Variants in FTCDNL1 observed in about 807,000 individuals in gnomAD.
FTCDNL1 encodes formiminotransferase N-terminal subdomain-containing protein.
A neutral mutation model predicts 5.9 loss-of-function variants in FTCDNL1; 11 were observed. The ratio of observed to expected loss-of-function variants is 1.87; its 90% CI spans 1.18 to 3.10. FTCDNL1 has a LOEUF of 3.10. Ranked by LOEUF, FTCDNL1 falls within the 30% of genes most tolerant of loss-of-function variation. The probability of loss-of-function intolerance (pLI) is 0.00; values close to 1 mark genes in which losing one functional copy is unlikely to be tolerated. For missense variants in FTCDNL1, 115 were observed against 65.5 expected, an observed-to-expected ratio of 1.76 and a Z score of -2.61; for synonymous variants, 58 against 24.8, an observed-to-expected ratio of 2.34 and a Z score of -3.99.
chr2:199,670,305 C>T, the FTCDNL1 span, among the ~76,000 whole-genome samples: 1 of 152,146 alleles, frequency 6.6e-6, no homozygotes, highest in African/African-American at 2.4e-5. Context: ...TAGCAGGTAT[C>T]AACAATGAGA....
At chr2:199,758,595 A>G (rs770039908), downstream of FTCDNL1, among the ~76,000 whole-genome samples, 3 of 152,150 alleles carry the variant, frequency 2.0e-5, no homozygotes, top group African/African-American at 4.8e-5. Context: ...CTCCCAGCAA[A>G]TCCTTCCCTC....
chr2:199,702,692 T>C, the FTCDNL1 span, among the ~76,000 whole-genome samples: 2 of 152,212 alleles, frequency 1.3e-5, no homozygotes, highest in African/African-American at 4.8e-5. Context: ...TTGTGGAGTT[T>C]ACAATAAACA....
chr2:199,736,434 T>C, the FTCDNL1 span, among the ~76,000 whole-genome samples: 3 of 152,172 alleles, frequency 2.0e-5, no homozygotes, highest in Non-Finnish European at 2.9e-5. Flanking sequence ...ACTTGCTTGT[T>C]AGAACTCACA....
intron 3 of FTCDNL1, among the ~76,000 whole-genome samples, chr2:199,800,505 G>A (rs568460131): frequency 1.3e-5 from 2 of 152,256 alleles, no homozygotes; most frequent in East Asian, 1.9e-4. Flanking sequence ...AATTTAGAAT[G>A]AGAAAATAAA....
chr2:199,707,293 A>G, the FTCDNL1 span, among the ~76,000 whole-genome samples: 221 of 152,226 alleles, frequency 1.5e-3, 2 homozygotes, highest in African/African-American at 5.2e-3. Flanking sequence ...AGTGAAGCCA[A>G]CTGGGCCTGA....
chr2:199,796,757 T>C (rs1378107384), intron 3 of FTCDNL1, among the ~76,000 whole-genome samples: 1 of 152,036 alleles, frequency 6.6e-6, no homozygotes, highest in Non-Finnish European at 1.5e-5. Context: ...TTTTGTTAAG[T>C]AGTATCCTTA....
chr2:199,836,401 G>A (rs1179620537), intron 3 of FTCDNL1, among the ~76,000 whole-genome samples: 1 of 151,974 alleles, frequency 6.6e-6, no homozygotes, highest in Admixed American at 6.6e-5. Context: ...TGAACTCCTG[G>A]GCTCAAACAA....
chr2:199,688,623 G>C, the FTCDNL1 span, among the ~76,000 whole-genome samples: 1 of 152,182 alleles, frequency 6.6e-6, no homozygotes, highest in Non-Finnish European at 1.5e-5. Context: ...TGGAGTCTCT[G>C]ATCATTCTGG....
At chr2:199,750,579 T>C in the FTCDNL1 span, among the ~76,000 whole-genome samples, 1 of 152,146 alleles carries the variant, frequency 6.6e-6, no homozygotes, top group African/African-American at 2.4e-5. Flanking sequence ...GAAAGAAATA[T>C]TGATGCTCTG....
At chr2:199,750,549 A>G in the FTCDNL1 span, among the ~76,000 whole-genome samples, 4 of 152,138 alleles carry the variant, frequency 2.6e-5, no homozygotes, top group Non-Finnish European at 4.4e-5. Context: ...GAAGACCTTA[A>G]CTTAATCATT....
intron 3 of FTCDNL1, among the ~76,000 whole-genome samples, chr2:199,836,799 A>C (rs573663020): frequency 4.6e-5 from 7 of 152,230 alleles, no homozygotes; most frequent in Admixed American, 6.5e-5. Flanking sequence ...GAAGGAGTAA[A>C]AGTCCATAGC....
chr2:199,776,286 A>G (rs1184506153), intron 3 of FTCDNL1, among the ~76,000 whole-genome samples: 2 of 152,216 alleles, frequency 1.3e-5, no homozygotes, highest in Non-Finnish European at 2.9e-5. Flanking sequence ...TATAATGAGA[A>G]CAAGGAAACA....
chr2:199,712,811 T>C, the FTCDNL1 span, among the ~76,000 whole-genome samples: 22 of 152,302 alleles, frequency 1.4e-4, no homozygotes, highest in African/African-American at 5.3e-4. Context: ...TCCATGTCTC[T>C]GTGTCTTCAC....
chr2:199,846,954 T>C (rs2076748725), intron 2 of FTCDNL1, among the ~76,000 whole-genome samples: 1 of 152,230 alleles, frequency 6.6e-6, no homozygotes, highest in Admixed American at 6.5e-5. Context: ...TATTATACCT[T>C]GTCTCCTTGT....
At chr2:199,787,900 G>A (rs1559187234) in intron 3 of FTCDNL1, among the ~76,000 whole-genome samples, 1 of 152,080 alleles carries the variant, frequency 6.6e-6, no homozygotes, top group Non-Finnish European at 1.5e-5. Context: ...CTTTTCCGAG[G>A]ACATAATTTT....
At chr2:199,827,228 AT>A (rs1246679312) in intron 3 of FTCDNL1, among the ~76,000 whole-genome samples, 4 of 152,232 alleles carry the variant, frequency 2.6e-5, no homozygotes, top group Non-Finnish European at 5.9e-5. Context: ...CACAAATTAA[AT>A]GACACCATAA....
At chr2:199,806,774 C>T (rs1700746471), downstream of FTCDNL1, among the ~76,000 whole-genome samples, 1 of 152,208 alleles carries the variant, frequency 6.6e-6, no homozygotes, top group South Asian at 2.1e-4. Flanking sequence ...GCACCCCACA[C>T]ACAAAACCTT....
intron 3 of FTCDNL1, 121 bp from the exon 4 acceptor site, chr2:199,819,878 T>C (rs115215596): frequency 1.1e-5 from 7 of 610,438 alleles, no homozygotes; most frequent in African/African-American, 3.7e-5. Context: ...ATTTTAGTCA[T>C]TTCTAAGTGT....
At chr2:199,833,265 T>G (rs1702495360) in intron 3 of FTCDNL1, among the ~76,000 whole-genome samples, 1 of 152,148 alleles carries the variant, frequency 6.6e-6, no homozygotes, top group Admixed American at 6.5e-5. Context: ...AGCCAGTGTG[T>G]CCAGTTTCAA....
Sources: allele counts gnomAD v4.1 joint callset (sites outside exome capture counted in the v4.1 genomes callset), GRCh38; gene constraint gnomAD v4.1.1; transcripts MANE v1.5; gene names NCBI Gene and HGNC (gene_info 2026-07-23, HGNC 2026-07-21).